The following TSTD2 variants were observed in gnomAD, a reference collection of about 807,000 sequenced individuals.
The protein encoded by TSTD2 is thiosulfate sulfurtransferase/rhodanese-like domain-containing protein 2.
TSTD2 carries 37 observed loss-of-function variants against 47.9 expected under a neutral mutation model. The observed-to-expected ratio is 0.77, with a 90% CI of 0.59 to 1.02. TSTD2 has a LOEUF of 1.02. Among genes scored for constraint, TSTD2 ranks in the 50% least tolerant of loss-of-function variants. The pLI, the probability that TSTD2 is intolerant of heterozygous loss-of-function variation, is 0.00. For synonymous variants in TSTD2, 201 were observed against 215.9 expected (o/e 0.93, Z 0.61); for missense variants, 586 against 616.0 (o/e 0.95, Z 0.52).
rs41316964 is a variant in TSTD2 at position 97,601,369 on chromosome 9, A to G, written c.*1100T>C. The stretch of plus-strand genomic sequence containing the variant: ...TGGATGACCTCAGTAAGAATGTGTC[A>G]TGTATTCCAGGTGCTGATCTAAAAA... On this transcript the variant is annotated 3_prime_UTR_variant, in exon 10 of 10. Coordinates refer to ENST00000341170, the MANE Select transcript of TSTD2 (RefSeq NM_139246.5). 1.5e-4 allele frequency: 163 copies of G among 1,093,686 alleles called. No homozygotes were observed. Among genetic ancestry groups the G allele is most frequent in the Admixed American group, 2.0e-4 (4 of 19,836 alleles). 67.7% of individuals were successfully genotyped at this position (1,093,686 alleles called of 1,614,324 possible).
Position 97,602,502 on chromosome 9 carries a change from A to C in TSTD2, c.1518T>G (p.Pro506=). 1 of 1,613,194 alleles carries C rather than the reference A, an allele frequency of 6.2e-7. No homozygotes were observed. The highest frequency in any genetic ancestry group is 8.5e-7 in the Non-Finnish European group (1 of 1,179,480). Residue 506 remains proline (P), a synonymous_variant, in exon 10 of 10, where the codon CCT becomes CCG. Transcript: ENST00000341170. ...GCACTGGCCCATCCTCATCAGCATC[A>C]GGCCCTGGCTCTGGGCTCACAGGCT... ...VRQPVSPEPG[P]DADEDGPVLM
At chr9:97,616,697 A>T (rs1259006996) in intron 4 of TSTD2, among the ~76,000 whole-genome samples, 1 of 152,236 alleles carries the variant, frequency 6.6e-6, no homozygotes, top group Admixed American at 6.5e-5. Flanking sequence ...GTTGGGAAAG[A>T]TGAAACAAGG....
intron 3 of TSTD2, among the ~76,000 whole-genome samples, chr9:97,618,462 T>C (rs1045304776): frequency 6.6e-6 from 1 of 152,244 alleles, no homozygotes; most frequent in Non-Finnish European, 1.5e-5. Context: ...TCATCACTTC[T>C]GGGCCTTGGT....
At position 97,606,132 on chromosome 9, in the gene TSTD2, C is replaced by G. The variant is rs375385088; in HGVS notation, c.954+11G>C. ...ACCAATTCAGAGAACTCAGTTCTGG[C>G]TTTTACTTACTATTTTGCTTTCATA... On this transcript the variant is annotated intron_variant, in intron 7 of 9. Transcript: ENST00000341170. The G allele has an allele frequency of 7.7e-6, 12 of 1,556,194 alleles. No homozygotes were observed. The African/African-American group carries it at 1.6e-4, about 21-fold the overall frequency.
chr9:97,625,633 T>G, intron 3 of TSTD2, 48 bp downstream of exon 3: 1 of 1,535,446 alleles, frequency 6.5e-7, no homozygotes, highest in Non-Finnish European at 8.8e-7. Context: ...CTCATTGTGG[T>G]TGGAAAAATA....
At chr9:97,627,996 G>A (rs745412449) in intron 1 of TSTD2, among the ~76,000 whole-genome samples, 13 of 152,208 alleles carry the variant, frequency 8.5e-5, no homozygotes, top group Non-Finnish European at 1.2e-4. Flanking sequence ...CCTTTCTGCA[G>A]CAATAGCATT....
Position 97,601,264 on chromosome 9 carries a change from A to T in TSTD2, c.*1205T>A, listed in dbSNP as rs1209653658. On this transcript the variant is annotated 3_prime_UTR_variant, in exon 10 of 10. Coordinates refer to ENST00000341170, the MANE Select transcript of TSTD2 (RefSeq NM_139246.5). ...TCTGTTGGTCTATGCATGGCTGCGT[A>T]TGTGTTTCTTGGAACCTGTGTGACA... 7.5e-6 allele frequency: 9 copies of T among 1,206,180 alleles called. No individual in the cohort carries two copies. Among genetic ancestry groups the T allele is most frequent in the Non-Finnish European group, 8.5e-6 (8 of 938,176 alleles). The allele number at this position is 1,206,180 out of a possible 1,614,324, so 74.7% of individuals were successfully genotyped here.
At chr9:97,621,844 T>C (rs2805775) in intron 3 of TSTD2, among the ~76,000 whole-genome samples, 87,925 of 151,992 alleles carry the variant, frequency 0.58, 26,520 homozygotes, top group Middle Eastern at 0.68. Context: ...TCTGCCCTTC[T>C]GCCCTTGTTA....
At chr9:97,618,081 C>T (rs754128902) in intron 3 of TSTD2, among the ~76,000 whole-genome samples, 8 of 152,200 alleles carry the variant, frequency 5.3e-5, no homozygotes, top group Admixed American at 1.3e-4. Context: ...CTGCACTGAA[C>T]TTACTTTACA....
Position 97,606,176 on chromosome 9 carries a change from A to G in TSTD2, c.921T>C (p.Leu307=), listed in dbSNP as rs780739444. 1.1e-5 allele frequency: 18 copies of G among 1,611,556 alleles called. No individual in the cohort carries two copies. The South Asian group carries it at 1.9e-4, about 17-fold the overall frequency. Residue 307 remains leucine (L), a synonymous_variant, in exon 7 of 10, where the codon CTT becomes CTC. Coordinates refer to ENST00000341170, the MANE Select transcript of TSTD2 (RefSeq NM_139246.5). ...QANQEQSDTI[L]LDCRNFYESK... Reference sequence around the variant, plus strand: ...TTTCATAGAAGTTTCTGCAATCAAGAAGGATAGTATCACTTTGTTCTTGAT... The same window carrying G: ...TTTCATAGAAGTTTCTGCAATCAAGGAGGATAGTATCACTTTGTTCTTGAT...
chr9:97,606,384 A>C, intron 6 of TSTD2, 123 bp from the exon 7 acceptor site: 1 of 605,630 alleles, frequency 1.7e-6, no homozygotes, highest in Middle Eastern at 4.5e-4. Context: ...TTCTCTTCAT[A>C]ATTACAACTG....
Position 97,601,944 on chromosome 9 carries a change from C to T in TSTD2, c.*525G>A, listed in dbSNP as rs911004388. 1 of 152,852 alleles carries T rather than the reference C, an allele frequency of 6.5e-6. No homozygotes were observed. The highest frequency in any genetic ancestry group is 2.4e-5 in the African/African-American group (1 of 41,434). The allele number at this position is 152,852 out of a possible 1,614,324, so 9.5% of individuals were successfully genotyped here. A position where few individuals can be genotyped will look rare whatever the true frequency, so the allele number is the denominator to read the frequency against. On this transcript the variant is annotated 3_prime_UTR_variant, in exon 10 of 10. Coordinates refer to ENST00000341170, the MANE Select transcript of TSTD2 (RefSeq NM_139246.5). ...ACTCAGGCGTTCTGGAACTATCCTC[C>T]ATGTATACCAAAGGATGGTTATTTC...
chr9:97,607,964 T>C (rs942734383), intron 6 of TSTD2, among the ~76,000 whole-genome samples: 11 of 151,932 alleles, frequency 7.2e-5, no homozygotes, highest in Admixed American at 6.6e-4. Flanking sequence ...GGTGAATCAC[T>C]TGAGGCCAGG....
chr9:97,626,613 C>T (rs1025130193), intron 2 of TSTD2, among the ~76,000 whole-genome samples: 6 of 152,140 alleles, frequency 3.9e-5, no homozygotes, highest in Non-Finnish European at 7.4e-5. Flanking sequence ...TAACCAGTTA[C>T]CAACTGATGA....
In TSTD2 at chr9:97,600,146, T is replaced by TATCA; in HGVS notation, c.*2319_*2322dup. 1 of 1,001,552 alleles carries TATCA rather than the reference T, an allele frequency of 1.0e-6. No homozygotes were observed. Among genetic ancestry groups the TATCA allele is most frequent in the Non-Finnish European group, 1.2e-6 (1 of 837,866 alleles). 62.0% of individuals were successfully genotyped at this position (1,001,552 alleles called of 1,614,324 possible). ...TTAGCTATTAGCAAATAAAACTGATTATCATTCTTTATTAACCCTCCTTGG... is the reference window on the plus strand; with the variant it reads ...TTAGCTATTAGCAAATAAAACTGATTATCAATCATTCTTTATTAACCCTCCTTGG... On this transcript the variant is annotated 3_prime_UTR_variant, in exon 10 of 10. Transcript: ENST00000341170.
At chr9:97,625,410 A>T (rs1043949635) in intron 3 of TSTD2, among the ~76,000 whole-genome samples, 1 of 152,100 alleles carries the variant, frequency 6.6e-6, no homozygotes, top group Non-Finnish European at 1.5e-5. Context: ...CTTTCTGTGG[A>T]TATGTTTTTA....
At chr9:97,607,084 T>C (rs1826378311) in intron 6 of TSTD2, among the ~76,000 whole-genome samples, 1 of 152,152 alleles carries the variant, frequency 6.6e-6, no homozygotes, top group Non-Finnish European at 1.5e-5. Context: ...GAGGACCCCT[T>C]GAGCCCAAGA....
chr9:97,631,016 C>T (rs553344684), intron 1 of TSTD2, among the ~76,000 whole-genome samples: 15 of 152,318 alleles, frequency 9.8e-5, no homozygotes, highest in Non-Finnish European at 1.8e-4. Context: ...CCCAGTCTTC[C>T]TTATCTGAGT....
chr9:97,617,980 G>GT, intron 3 of TSTD2, 103 bp from the exon 4 acceptor site: 1 of 1,429,296 alleles, frequency 7.0e-7, no homozygotes, highest in Non-Finnish European at 9.3e-7. Flanking sequence ...GCTAAGATGA[G>GT]GACACTCATG....
Sources: allele counts gnomAD v4.1 joint callset (sites outside exome capture counted in the v4.1 genomes callset), GRCh38; gene constraint gnomAD v4.1.1; transcripts MANE v1.5; gene names NCBI Gene and HGNC (gene_info 2026-07-23, HGNC 2026-07-21).